Variants in PRKCA observed in about 807,000 individuals in gnomAD.
PRKCA encodes the protein protein kinase C alpha type.
A neutral mutation model predicts 87.0 loss-of-function variants in PRKCA; 27 were observed. The ratio of observed to expected loss-of-function variants is 0.31; its 90% CI spans 0.23 to 0.43. The LOEUF is 0.43. Ranked by LOEUF, PRKCA falls within the 20% of genes least tolerant of loss-of-function variation. The probability of loss-of-function intolerance (pLI) is 1.00; values close to 1 mark genes in which losing one functional copy is unlikely to be tolerated. For missense variants in PRKCA, 518 were observed against 852.3 expected (o/e 0.61, Z 4.88); for synonymous variants, 329 against 311.1 (o/e 1.06, Z -0.61).
At chr17:66,534,468 C>A (rs985500069) in intron 3 of PRKCA, among the ~76,000 whole-genome samples, 4 of 152,090 alleles carry the variant, frequency 2.6e-5, no homozygotes, top group African/African-American at 9.7e-5. Context: ...GAGATCAAGA[C>A]CATCCTGGCT....
At chr17:66,762,819 G>T (rs1974715381) in intron 13 of PRKCA, among the ~76,000 whole-genome samples, 2 of 152,118 alleles carry the variant, frequency 1.3e-5, no homozygotes, top group South Asian at 2.1e-4. Context: ...GTTTTAGACG[G>T]AGTCTCACTC....
chr17:66,495,510 A>C lies in PRKCA; in HGVS notation c.206-691A>C, dbSNP rs569542133. Among the ~76,000 whole-genome samples, 4 of 105,358 alleles carry C rather than the reference A, an allele frequency of 3.8e-5. No individual in the cohort carries two copies. In the South Asian group the frequency reaches 1.1e-3, roughly 29 times the overall value. The allele number at this position is 105,358 out of a possible 152,430, so 69.1% of individuals were successfully genotyped here. On this transcript the variant is annotated intron_variant, in intron 2 of 16. Transcript: ENST00000413366. ...TATATGTGTGTGTTAGTGTGTTGCTATAGGATGGTGCAAAGTATTTTATTT... is the reference window on the plus strand; with the variant it reads ...TATATGTGTGTGTTAGTGTGTTGCTCTAGGATGGTGCAAAGTATTTTATTT...
intron 3 of PRKCA, among the ~76,000 whole-genome samples, chr17:66,630,182 AC>A (rs1450019240): frequency 2.0e-5 from 3 of 152,234 alleles, no homozygotes; most frequent in African/African-American, 4.8e-5. Flanking sequence ...TATTTGAATG[AC>A]TTTTTCCTTA....
chr17:66,618,114 G>A lies in PRKCA; in HGVS notation c.289-23241G>A, dbSNP rs564047420. On this transcript the variant is annotated intron_variant, in intron 3 of 16. Transcript: ENST00000413366. ...TCACACCTGTAATCCCAACACTTTC[G>A]GAGGCCGAGGTGGGTGGATCACCTG... Among the ~76,000 whole-genome samples the A allele has an allele frequency of 6.6e-5, 10 of 152,144 alleles. 1 individual carries two copies. The highest frequency in any genetic ancestry group is 2.4e-4 in the African/African-American group (10 of 41,512).
chr17:66,789,796 A>T (rs1029924951), intron 16 of PRKCA, among the ~76,000 whole-genome samples: 5 of 152,198 alleles, frequency 3.3e-5, no homozygotes, highest in African/African-American at 1.2e-4. Flanking sequence ...CCTGACGCTG[A>T]TGCTGTGGGC....
intron 8 of PRKCA, among the ~76,000 whole-genome samples, chr17:66,706,475 A>C (rs1839636455): frequency 1.8e-5 from 2 of 112,078 alleles, no homozygotes; most frequent in African/African-American, 7.2e-5. Flanking sequence ...CTCTACTAAA[A>C]ATACAAAAAA....
intron 3 of PRKCA, among the ~76,000 whole-genome samples, chr17:66,586,820 T>C (rs1233676883): frequency 6.6e-6 from 1 of 152,184 alleles, no homozygotes; most frequent in Non-Finnish European, 1.5e-5. Flanking sequence ...ATCCATAACA[T>C]GTCAGACTCA....
At chr17:66,406,585 G>GATTTTTT (rs529714675) in intron 2 of PRKCA, among the ~76,000 whole-genome samples, 1 of 70,180 alleles carries the variant, frequency 1.4e-5, no homozygotes, top group African/African-American at 4.6e-5. Context: ...GCTTTTCCAG[G>GATTTTTT]TTTTTTTTTT....
At chr17:66,550,317 C>T (rs1968286451) in intron 3 of PRKCA, among the ~76,000 whole-genome samples, 2 of 152,128 alleles carry the variant, frequency 1.3e-5, no homozygotes, top group South Asian at 4.2e-4. Context: ...CACAGACTGT[C>T]CCTTGTCTCT....
chr17:66,728,237 G>C (rs1442906933), intron 8 of PRKCA, among the ~76,000 whole-genome samples: 2 of 152,192 alleles, frequency 1.3e-5, no homozygotes, highest in African/African-American at 4.8e-5. Flanking sequence ...CTCAGGGCTG[G>C]CTTGGGCTGG....
Position 66,396,698 on chromosome 17 carries a change from C to T in PRKCA, c.205+90571C>T, listed in dbSNP as rs917509273. Among the ~76,000 whole-genome samples, 15 of 147,694 alleles carry T rather than the reference C, an allele frequency of 1.0e-4. No homozygotes were observed. The East Asian group carries it at 1.4e-3, about 14-fold the overall frequency. On this transcript the variant is annotated intron_variant, in intron 2 of 16. Transcript: ENST00000413366. ...GACTGGAGTACAGTGGCGCGATCTC[C>T]GCTCACTGCAACCTCTGCCTTCTGG...
At chr17:66,430,466 C>T (rs1027480957) in intron 2 of PRKCA, among the ~76,000 whole-genome samples, 3 of 149,682 alleles carry the variant, frequency 2.0e-5, no homozygotes, top group Admixed American at 6.6e-5. Context: ...TGCTTGGGTT[C>T]GTGGTAAGCC....
intron 8 of PRKCA, among the ~76,000 whole-genome samples, chr17:66,702,672 T>C (rs970441162): frequency 6.6e-6 from 1 of 152,208 alleles, no homozygotes; most frequent in African/African-American, 2.4e-5. Context: ...AAACATCACA[T>C]TGTATACCTT....
chr17:66,343,636 G>A (rs1768107046), intron 2 of PRKCA, among the ~76,000 whole-genome samples: 1 of 152,100 alleles, frequency 6.6e-6, no homozygotes, highest in African/African-American at 2.4e-5. Flanking sequence ...CGACTTGGAC[G>A]GAGGAGGTGG....
chr17:66,313,737 T>C (rs1313020463), intron 2 of PRKCA, among the ~76,000 whole-genome samples: 1 of 152,222 alleles, frequency 6.6e-6, no homozygotes, highest in Non-Finnish European at 1.5e-5. Context: ...CTGTTATTTT[T>C]AAAATTTTTG....
chr17:66,505,723 A>G (rs986057716), intron 3 of PRKCA, among the ~76,000 whole-genome samples: 7 of 152,094 alleles, frequency 4.6e-5, no homozygotes, highest in Admixed American at 4.6e-4. Flanking sequence ...AATTAGAGTG[A>G]TTTTGTTGTG....
rs375328394 is a variant in PRKCA at position 66,580,335 on chromosome 17, G to T, written c.289-61020G>T. Among the ~76,000 whole-genome samples, 103 of 152,348 alleles carry T rather than the reference G, an allele frequency of 6.8e-4. 1 individual carries two copies. Among genetic ancestry groups the T allele is most frequent in the African/African-American group, 2.4e-3 (101 of 41,570 alleles). ...CAGCAGGCCAATCTGTGCACGACCT[G>T]CTGGTGCTGCAGCATTCCTTACTCA... On this transcript the variant is annotated intron_variant, in intron 3 of 16. Transcript: ENST00000413366.
chr17:66,539,299 A>AG (rs1208519877), intron 3 of PRKCA, among the ~76,000 whole-genome samples: 4 of 152,366 alleles, frequency 2.6e-5, no homozygotes, highest in African/African-American at 9.6e-5. Flanking sequence ...ACAAGCCATC[A>AG]AGCAGCACAG....
rs76660264 is a variant in PRKCA, at chr17:66,615,309, G to A, written c.289-26046G>A. The stretch of plus-strand genomic sequence containing the variant: ...CTCGGTGTGCCCAGCTCAAATGAGG[G>A]TTCTCTTATGAAGGAGGGAGGGGAG... On this transcript the variant is annotated intron_variant, in intron 3 of 16. Coordinates refer to ENST00000413366, the MANE Select transcript of PRKCA (RefSeq NM_002737.3). Among the ~76,000 whole-genome samples, 577 of 152,134 alleles carry A rather than the reference G, an allele frequency of 3.8e-3. 7 individuals carry two copies. Among genetic ancestry groups the A allele is most frequent in the African/African-American group, 0.014 (561 of 41,498 alleles).
Sources: gnomAD v4.1 joint callset for allele counts (sites outside exome capture counted in the v4.1 genomes callset) on GRCh38, gnomAD v4.1.1 for gene constraint, MANE v1.5 for transcripts, NCBI Gene and HGNC (gene_info 2026-07-23, HGNC 2026-07-21) for gene names.